Variants in SLC16A14 observed in about 807,000 individuals in gnomAD.
SLC16A14 encodes monocarboxylate transporter 14.
In SLC16A14, 14 loss-of-function variants were observed where a neutral mutation model predicts 35.8. That is an observed-to-expected ratio of 0.39 (90% CI 0.26 to 0.61). The LOEUF (loss-of-function observed/expected upper bound fraction) is 0.61. Ranked by LOEUF, SLC16A14 falls within the 20% of genes least tolerant of loss-of-function variation. The pLI is 0.51. For missense variants in SLC16A14, 533 were observed against 655.0 expected, an observed-to-expected ratio of 0.81 and a Z score of 2.03; for synonymous variants, 248 against 258.9, an observed-to-expected ratio of 0.96 and a Z score of 0.40.
chr2:230,049,269 G>A (rs1365594774), intron 3 of SLC16A14, among the ~76,000 whole-genome samples: 1 of 148,546 alleles, frequency 6.7e-6, no homozygotes, highest in Admixed American at 6.8e-5. Context: ...CAGTAGAGAC[G>A]GGGTTTCACC....
At position 230,038,518 on chromosome 2, in the gene SLC16A14, C is replaced by T. The variant is rs979315964; in HGVS notation, c.1382-987G>A. ...CGCAAACTGAGAGGATTGAGTTACA[C>T]ACAAGAGTTTTATTTATGGTAAAAA... On this transcript the variant is annotated intron_variant, in intron 4 of 4. Transcript: ENST00000295190. The surrounding 1 kb of genome is among the most constrained non-coding windows in gnomAD (Gnocchi z 4.4). 1.3e-5 allele frequency among the ~76,000 whole-genome samples: 2 copies of T among 152,348 alleles called. No individual in the cohort carries two copies. The highest frequency in any genetic ancestry group is 3.9e-4 in the East Asian group (2 of 5,194).
chr2:230,053,949 A>C (rs1374644563), intron 2 of SLC16A14, among the ~76,000 whole-genome samples: 1 of 152,116 alleles, frequency 6.6e-6, no homozygotes, highest in African/African-American at 2.4e-5. Context: ...CAGGTCTCTT[A>C]GGGTAACCCC....
chr2:230,063,314 G>C (rs1019762126), intron 1 of SLC16A14, among the ~76,000 whole-genome samples: 14 of 111,662 alleles, frequency 1.3e-4, no homozygotes, highest in African/African-American at 4.4e-4. Context: ...AAAAAAAAAA[G>C]CCAATTTCTT....
Position 230,059,382 on chromosome 2 carries a change from C to T in SLC16A14, c.-14-16G>A. On this transcript the variant is annotated splice_polypyrimidine_tract_variant and intron_variant, in intron 1 of 4. Coordinates refer to ENST00000295190, the MANE Select transcript of SLC16A14 (RefSeq NM_152527.5). ...CAAGATTTTTCTGAAATACATATAA[C>T]AAATAATTTCATGGAACATCAAAAG... 2 of 1,515,124 alleles carry T rather than the reference C, an allele frequency of 1.3e-6. No individual in the cohort carries two copies. Among genetic ancestry groups the T allele is most frequent in the Non-Finnish European group, 1.8e-6 (2 of 1,126,222 alleles). 93.9% of individuals were successfully genotyped at this position (1,515,124 alleles called of 1,614,324 possible).
chr2:230,055,188 C>A (rs544889177), intron 2 of SLC16A14, among the ~76,000 whole-genome samples: 1 of 152,202 alleles, frequency 6.6e-6, no homozygotes, highest in South Asian at 2.1e-4. Flanking sequence ...AAGATACAGA[C>A]AATGGTCTGG....
chr2:230,054,052 G>A (rs1488096950), intron 2 of SLC16A14, among the ~76,000 whole-genome samples: 2 of 149,154 alleles, frequency 1.3e-5, no homozygotes, highest in African/African-American at 5.0e-5. Flanking sequence ...AAAAAATCCT[G>A]ATACTTGGAG....
intron 2 of SLC16A14, among the ~76,000 whole-genome samples, chr2:230,057,173 C>A (rs920790442): frequency 2.0e-5 from 3 of 152,032 alleles, no homozygotes; most frequent in Non-Finnish European, 4.4e-5. Context: ...GTGGTTATCT[C>A]AGAGCATTGT....
intron 2 of SLC16A14, among the ~76,000 whole-genome samples, chr2:230,057,542 T>G (rs55877299): frequency 0.49 from 73,941 of 151,714 alleles, 18,708 homozygotes; most frequent in African/African-American, 0.6. Flanking sequence ...GCTGAGGTGG[T>G]CAGATCTCTT....
intron 2 of SLC16A14, among the ~76,000 whole-genome samples, chr2:230,053,915 G>A (rs559330316): frequency 4.6e-5 from 7 of 152,168 alleles, no homozygotes; most frequent in Non-Finnish European, 8.8e-5. Flanking sequence ...AGTTCTCAGG[G>A]ATGGTTACAG....
chr2:230,065,395 T>G (rs927058483), intron 1 of SLC16A14, among the ~76,000 whole-genome samples: 5 of 152,200 alleles, frequency 3.3e-5, no homozygotes, highest in African/African-American at 1.2e-4. Context: ...TAGCTGGGAC[T>G]TCAGGTGTGC....
intron 1 of SLC16A14, among the ~76,000 whole-genome samples, chr2:230,059,636 C>A (rs2077735487): frequency 6.6e-6 from 1 of 152,176 alleles, no homozygotes; most frequent in Non-Finnish European, 1.5e-5. Context: ...AGGTGATTTT[C>A]TAAGGCCTGT....
At chr2:230,064,294 GTGTGTGTGTGTGTGTGTGTA>G (rs1159491203) in intron 1 of SLC16A14, among the ~76,000 whole-genome samples, 1 of 150,788 alleles carries the variant, frequency 6.6e-6, no homozygotes, top group Non-Finnish European at 1.5e-5. Flanking sequence ...TTGTCTGTGT[GTGTGTGTGTGTGTGTGTGTA>G]TGTGTGTGTG....
At position 230,046,538 on chromosome 2, in the gene SLC16A14, A is replaced by C. The variant is rs749811587; in HGVS notation, c.588T>G (p.Gly196=). Residue 196 remains glycine, a synonymous_variant, in exon 4 of 5, where the codon GGT becomes GGG. Transcript: ENST00000295190. This position sits in a 1 kb window ranked among gnomAD's most constrained non-coding sequence, Gnocchi z 5.0. ...YGWRNAMLIQ[G]AVSLNLCVCG... ...AAACACACAGGTTTAGGGAAACGGC[A>C]CCTTGGATCAACATGGCATTCCTCC... is the stretch of plus-strand genomic sequence containing the variant. 7 of 1,614,146 alleles carry C rather than the reference A, an allele frequency of 4.3e-6. No homozygotes were observed. The Admixed American group carries it at 1.0e-4, about 23-fold the overall frequency.
In SLC16A14 at chr2:230,043,373, T is replaced by G. The variant is rs898924092; in HGVS notation, c.1381+2372A>C. 3.3e-5 allele frequency among the ~76,000 whole-genome samples: 5 copies of G among 152,202 alleles called. No homozygotes were observed. The South Asian group carries it at 1.0e-3, about 31-fold the overall frequency. On this transcript the variant is annotated intron_variant, in intron 4 of 4. Coordinates refer to ENST00000295190, the MANE Select transcript of SLC16A14 (RefSeq NM_152527.5). The stretch of plus-strand genomic sequence containing the variant: ...GCGGATTTAAAAGCGTGTTTGTTGG[T>G]GCAAGCTCTCTGCCAGTGGGGGGTC...
intron 4 of SLC16A14, among the ~76,000 whole-genome samples, chr2:230,043,033 T>C (rs1240018840): frequency 6.6e-6 from 1 of 152,230 alleles, no homozygotes; most frequent in Non-Finnish European, 1.5e-5. Context: ...TAAACTATCA[T>C]TGTCAGGATG....
chr2:230,065,185 A>G (rs1363778908), intron 1 of SLC16A14, among the ~76,000 whole-genome samples: 1 of 152,250 alleles, frequency 6.6e-6, no homozygotes, highest in Non-Finnish European at 1.5e-5. Context: ...TTCATAAATA[A>G]GTGACACTGA....
intron 4 of SLC16A14, among the ~76,000 whole-genome samples, chr2:230,039,329 A>G (rs1033349668): frequency 6.6e-6 from 1 of 152,178 alleles, no homozygotes; most frequent in African/African-American, 2.4e-5. Context: ...GAAAAGAAAA[A>G]AAAAATCTGA....
In SLC16A14 at chr2:230,058,999, A is replaced by G. The variant is rs549273740; in HGVS notation, c.259+95T>C. ...GAAAAATAGTAGCTAGTAACATCCA[A>G]TATCGAATGTTACAACAATATAAAA... On this transcript the variant is annotated intron_variant, in intron 2 of 4. Coordinates refer to ENST00000295190, the MANE Select transcript of SLC16A14 (RefSeq NM_152527.5). The G allele has an allele frequency of 2.7e-5, 40 of 1,497,574 alleles. No homozygotes were observed. In the African/African-American group the frequency reaches 4.3e-4, roughly 16 times the overall value. The allele number at this position is 1,497,574 out of a possible 1,614,324, so 92.8% of individuals were successfully genotyped here.
At chr2:230,048,923 C>CAAAAAAA (rs748042264) in intron 3 of SLC16A14, among the ~76,000 whole-genome samples, 4 of 15,238 alleles carry the variant, frequency 2.6e-4, no homozygotes, top group Non-Finnish European at 4.9e-4. Flanking sequence ...AACTCCATCT[C>CAAAAAAA]AAAAAAAAAA....
Sources: gnomAD v4.1 joint callset for allele counts (sites outside exome capture counted in the v4.1 genomes callset) on GRCh38, gnomAD v4.1.1 for gene constraint, Gnocchi (gnomAD v3.1) non-coding constraint, MANE v1.5 for transcripts, NCBI Gene and HGNC (gene_info 2026-07-23, HGNC 2026-07-21) for gene names.